Variants in CARMIL1 observed in about 807,000 individuals in gnomAD.
CARMIL1 encodes the protein capping protein regulator and myosin 1 linker 1.
In CARMIL1, 90 loss-of-function variants were observed where a neutral mutation model predicts 177.1. That is an observed-to-expected ratio of 0.51 (90% CI 0.43 to 0.61). The LOEUF is 0.61. Among genes scored for constraint, CARMIL1 ranks in the 20% least tolerant of loss-of-function variants. The pLI is 0.00. For missense variants in CARMIL1, 1,380 were observed against 1,667.0 expected (o/e 0.83, Z 3.00); for synonymous variants, 577 against 606.2 (o/e 0.95, Z 0.71).
At position 25,577,457 on chromosome 6, in the gene CARMIL1, T is replaced by C. The variant is rs1426271762; in HGVS notation, c.2743-3467T>C. ...TCTCAGCTGGTATTGTTATTTTTTTTTTCTTTCTACAGCCTTGGTGGTGGG... is the reference window on the plus strand; with the variant it reads ...TCTCAGCTGGTATTGTTATTTTTTTCTTCTTTCTACAGCCTTGGTGGTGGG... On this transcript the variant is annotated intron_variant, in intron 29 of 36. Transcript: ENST00000329474. The surrounding 1 kb of genome is among the most constrained non-coding windows in gnomAD (Gnocchi z 4.5). Among the ~76,000 whole-genome samples, 8 of 152,144 alleles carry C rather than the reference T, an allele frequency of 5.3e-5. No homozygotes were observed. The highest frequency in any genetic ancestry group is 1.0e-4 in the Non-Finnish European group (7 of 68,024).
intron 2 of CARMIL1, chr6:25,287,347 A>G (rs980166441): frequency 6.6e-6 from 1 of 152,194 alleles, no homozygotes. Flanking sequence ...TTGAGACTTT[A>G]TACTATTTCT....
intron 2 of CARMIL1, among the ~76,000 whole-genome samples, chr6:25,300,565 C>T (rs1229119903): frequency 6.6e-6 from 1 of 152,218 alleles, no homozygotes; most frequent in African/African-American, 2.4e-5. Flanking sequence ...ATGAGAGTCA[C>T]TTGAACTCGG....
chr6:25,420,668 T>C (rs1367657964), intron 3 of CARMIL1, among the ~76,000 whole-genome samples: 1 of 152,256 alleles, frequency 6.6e-6, no homozygotes, highest in Admixed American at 6.5e-5. Flanking sequence ...TCAGCTGTTC[T>C]CCGTCTACTC....
At position 25,523,322 on chromosome 6, in the gene CARMIL1, G is replaced by A. The variant is rs116543428; in HGVS notation, c.1968+2985G>A. On this transcript the variant is annotated intron_variant, in intron 23 of 36. Transcript: ENST00000329474. ...TAAAGCTATGTAATAACTATGTTTA[G>A]CTGACAATATGTAATTCTTACTGGG... 6.7e-3 allele frequency among the ~76,000 whole-genome samples: 1,023 copies of A among 152,076 alleles called. 8 individuals carry two copies. The highest frequency in any genetic ancestry group is 0.031 in the Middle Eastern group (9 of 294).
intron 11 of CARMIL1, among the ~76,000 whole-genome samples, chr6:25,478,592 C>G (rs1314258708): frequency 1.3e-5 from 2 of 152,108 alleles, no homozygotes; most frequent in African/African-American, 4.8e-5. Context: ...GTCAGGAGAT[C>G]AAGACCATCC....
intron 6 of CARMIL1, 131 bp downstream of exon 6, chr6:25,450,126 C>A: frequency 1.2e-6 from 1 of 817,112 alleles, no homozygotes; most frequent in Non-Finnish European, 1.9e-6. Context: ...AGCGCACAGA[C>A]TTTAGATTGG....
At chr6:25,358,674 C>T (rs192292620) in intron 2 of CARMIL1, among the ~76,000 whole-genome samples, 10 of 152,120 alleles carry the variant, frequency 6.6e-5, no homozygotes, top group Non-Finnish European at 1.5e-4. Context: ...GGTGAATCCC[C>T]ATACTCTATG....
intron 26 of CARMIL1, among the ~76,000 whole-genome samples, chr6:25,548,013 C>G (rs1809685213): frequency 6.6e-6 from 1 of 151,852 alleles, no homozygotes; most frequent in Admixed American, 6.6e-5. Flanking sequence ...GAATCTAGGC[C>G]AAGAAAACAT....
chr6:25,594,672 G>A, intron 32 of CARMIL1, 145 bp downstream of exon 32: 1 of 578,592 alleles, frequency 1.7e-6, no homozygotes, highest in East Asian at 3.0e-5. Context: ...CTCTGGGCCG[G>A]CAATACCAGT....
chr6:25,520,187 A>C (rs1656942699), intron 22 of CARMIL1, 57 bp from the exon 23 acceptor site: 1 of 832,734 alleles, frequency 1.2e-6, no homozygotes, highest in African/African-American at 1.7e-5. Flanking sequence ...AAGAGTGCTG[A>C]ATTAAGGTAA....
chr6:25,331,506 T>G (rs1411800105), intron 2 of CARMIL1, among the ~76,000 whole-genome samples: 1 of 152,238 alleles, frequency 6.6e-6, no homozygotes, highest in African/African-American at 2.4e-5. Flanking sequence ...ATCCATTGTC[T>G]GTACAGCTGC....
At chr6:25,359,060 C>T (rs1301193741) in intron 2 of CARMIL1, among the ~76,000 whole-genome samples, 1 of 152,082 alleles carries the variant, frequency 6.6e-6, no homozygotes, top group East Asian at 1.9e-4. Flanking sequence ...GGGATCACAG[C>T]GTGTCTTTTT....
At position 25,590,915 on chromosome 6, in the gene CARMIL1, C is replaced by T. The variant is rs1041413382; in HGVS notation, c.3007-3500C>T. On this transcript the variant is annotated intron_variant, in intron 31 of 36. Transcript: ENST00000329474. ...CTAAGAGTCAACTGTTTTATCAATC[C>T]TCTCAAGTTCATTTTTTTCTTTTAT... 2.0e-5 allele frequency among the ~76,000 whole-genome samples: 3 copies of T among 151,922 alleles called. No individual in the cohort carries two copies. The East Asian group carries it at 5.8e-4, about 29-fold the overall frequency.
At chr6:25,451,987 C>CCA in intron 8 of CARMIL1, 4 of 62,878 alleles carry the variant, frequency 6.4e-5, no homozygotes, top group South Asian at 2.9e-4. Flanking sequence ...TAGCATCTTG[C>CCA]CCCCCCCTCC....
chr6:25,290,616 C>A (rs1781874992), intron 2 of CARMIL1, among the ~76,000 whole-genome samples: 1 of 152,064 alleles, frequency 6.6e-6, no homozygotes, highest in East Asian at 1.9e-4. Context: ...ACCCCTTCTT[C>A]TTCCACACCC....
chr6:25,556,760 G>T lies in CARMIL1; in HGVS notation c.2652G>T (p.Glu884Asp). ...CTCAACAAGAATCCTTAGAGATCGA[G>T]CTGGCTGAGGAGAAGCCAGTTAAAC... The part of the protein sequence containing the change: ...TLPQQESLEI[E>D]LAEEKPVKRS... The change falls in exon 29 of 37, where the codon GAG becomes GAT. Residue 884 changes from glutamate (E) to aspartate (D), a missense_variant. Coordinates refer to ENST00000329474, the MANE Select transcript of CARMIL1 (RefSeq NM_017640.6). The T allele has an allele frequency of 6.2e-7, 1 of 1,613,638 alleles. No individual in the cohort carries two copies. The highest frequency in any genetic ancestry group is 8.5e-7 in the Non-Finnish European group (1 of 1,179,710).
At chr6:25,333,436 T>A (rs994555857) in intron 2 of CARMIL1, among the ~76,000 whole-genome samples, 2 of 151,922 alleles carry the variant, frequency 1.3e-5, no homozygotes, top group African/African-American at 4.8e-5. Context: ...CAGTGATGAG[T>A]GCAGCTGTAG....
chr6:25,579,598 G>C (rs769766924), intron 29 of CARMIL1, among the ~76,000 whole-genome samples: 19 of 152,152 alleles, frequency 1.2e-4, no homozygotes, highest in Non-Finnish European at 2.4e-4. Context: ...AGTTAGCTGA[G>C]TTTTTATTGA....
At chr6:25,343,933 C>T (rs781377214) in intron 2 of CARMIL1, among the ~76,000 whole-genome samples, 2 of 152,136 alleles carry the variant, frequency 1.3e-5, no homozygotes, top group Non-Finnish European at 2.9e-5. Flanking sequence ...TGAAACGCCA[C>T]CTCCTCTGAC....
Sources: allele counts gnomAD v4.1 joint callset (sites outside exome capture counted in the v4.1 genomes callset), GRCh38; gene constraint gnomAD v4.1.1; non-coding constraint Gnocchi (gnomAD v3.1); transcripts MANE v1.5; gene names NCBI Gene and HGNC (gene_info 2026-07-23, HGNC 2026-07-21).